NKAIN3: variants seen among roughly 807,000 people sequenced by gnomAD.
NKAIN3 encodes sodium/potassium-transporting ATPase subunit beta-1-interacting protein 3.
A neutral mutation model predicts 30.2 loss-of-function variants in NKAIN3; 25 were observed. That is an observed-to-expected ratio of 0.83 (90% CI 0.60 to 1.16). The LOEUF (loss-of-function observed/expected upper bound fraction) is 1.16, where lower values mean the gene tolerates loss of function less well. Among genes scored for constraint, NKAIN3 ranks in the 50% most tolerant of loss-of-function variants. NKAIN3 has a pLI of 0.00. For synonymous variants in NKAIN3, 91 were observed against 89.6 expected (o/e 1.02, Z -0.09); for missense variants, 225 against 254.1 (o/e 0.89, Z 0.78).
At chr8:62,367,850 C>T (rs4737602) in intron 1 of NKAIN3, among the ~76,000 whole-genome samples, 147,552 of 152,212 alleles carry the variant, frequency 0.97, 71,576 homozygotes, top group East Asian at 1. Context: ...CCTACAGACT[C>T]TGAGAACTAG....
At chr8:62,334,638 T>C (rs1052846435) in intron 1 of NKAIN3, among the ~76,000 whole-genome samples, 1 of 152,128 alleles carries the variant, frequency 6.6e-6, no homozygotes, top group Non-Finnish European at 1.5e-5. Flanking sequence ...TTATTATCTA[T>C]TGCTACATAA....
At chr8:62,962,382 A>G (rs1823593261) in intron 6 of NKAIN3, among the ~76,000 whole-genome samples, 1 of 152,218 alleles carries the variant, frequency 6.6e-6, no homozygotes, top group South Asian at 2.1e-4. Flanking sequence ...TTGTAATGAG[A>G]TATTTCCAGA....
At position 62,970,822 on chromosome 8, in the gene NKAIN3, T is replaced by C. The variant is rs987315379; in HGVS notation, c.*5415T>C. ...TTCCATGTAAGGCATGTTTTTCCTT[T>C]CCTCTTCAGAGTTATTTAGAAACAG... On this transcript the variant is annotated 3_prime_UTR_variant, in exon 7 of 7. Coordinates refer to ENST00000623646, the MANE Select transcript of NKAIN3 (RefSeq NM_001304533.3). Among the ~76,000 whole-genome samples, 3 of 152,230 alleles carry C rather than the reference T, an allele frequency of 2.0e-5. No individual in the cohort carries two copies. The highest frequency in any genetic ancestry group is 7.2e-5 in the African/African-American group (3 of 41,466).
chr8:62,431,920 C>G (rs1805013704), intron 1 of NKAIN3, among the ~76,000 whole-genome samples: 1 of 144,658 alleles, frequency 6.9e-6, no homozygotes, highest in South Asian at 2.2e-4. Context: ...TAAACTATAA[C>G]TGATTTGTGG....
chr8:62,599,439 G>T (rs561302356), intron 3 of NKAIN3, among the ~76,000 whole-genome samples: 1 of 152,138 alleles, frequency 6.6e-6, no homozygotes, highest in African/African-American at 2.4e-5. Flanking sequence ...TAATCGCACT[G>T]GGTTGTGGAA....
chr8:62,634,659 G>A lies in NKAIN3; in HGVS notation c.273+44865G>A, dbSNP rs75273578. Among the ~76,000 whole-genome samples the A allele has an allele frequency of 2.9e-3, 447 of 152,298 alleles. 2 individuals are homozygous for A. Among genetic ancestry groups the A allele is most frequent in the African/African-American group, 0.01 (429 of 41,574 alleles). ...AAGAGGTGGGCCCTGGTGGGGCTCT[G>A]CAGGGACAGCTAGGAGAGGAGAGAC... On this transcript the variant is annotated intron_variant, in intron 3 of 6. Coordinates refer to ENST00000623646, the MANE Select transcript of NKAIN3 (RefSeq NM_001304533.3).
chr8:62,736,113 T>C (rs1270897796), intron 3 of NKAIN3, among the ~76,000 whole-genome samples: 3 of 152,162 alleles, frequency 2.0e-5, no homozygotes, highest in Non-Finnish European at 2.9e-5. Flanking sequence ...GGTTTTGTGT[T>C]TGTTGGCTTC....
At chr8:62,809,108 G>A (rs28710812) in intron 4 of NKAIN3, among the ~76,000 whole-genome samples, 12,337 of 152,176 alleles carry the variant, frequency 0.081, 517 homozygotes, top group Middle Eastern at 0.088. Flanking sequence ...ATATGGCTCC[G>A]TTCCGCCCAG....
At chr8:62,760,783 A>G (rs1229300717) in intron 4 of NKAIN3, among the ~76,000 whole-genome samples, 1 of 152,226 alleles carries the variant, frequency 6.6e-6, no homozygotes, top group African/African-American at 2.4e-5. Context: ...TAATTTAAAA[A>G]AAGGCACTGG....
chr8:62,633,993 A>G (rs1358724452), intron 3 of NKAIN3, among the ~76,000 whole-genome samples: 1 of 152,134 alleles, frequency 6.6e-6, no homozygotes, highest in Non-Finnish European at 1.5e-5. Flanking sequence ...ACACAAACAA[A>G]AAATAGGGTG....
chr8:62,717,836 G>A (rs1814956384), intron 3 of NKAIN3, among the ~76,000 whole-genome samples: 1 of 152,194 alleles, frequency 6.6e-6, no homozygotes, highest in Non-Finnish European at 1.5e-5. Flanking sequence ...GAACATGACT[G>A]CCTTTAGGTT....
At chr8:62,950,937 C>CAG in intron 5 of NKAIN3, among the ~76,000 whole-genome samples, 1 of 133,722 alleles carries the variant, frequency 7.5e-6, no homozygotes, top group South Asian at 2.6e-4. Flanking sequence ...GAGCAATAAA[C>CAG]AGAATCCTTT....
At chr8:62,285,086 T>G (rs1332470584) in intron 1 of NKAIN3, among the ~76,000 whole-genome samples, 2 of 152,164 alleles carry the variant, frequency 1.3e-5, no homozygotes, top group Non-Finnish European at 2.9e-5. Flanking sequence ...CCTGGGGCTC[T>G]TCAATACTCA....
At chr8:62,585,167 C>T (rs1352003778) in intron 2 of NKAIN3, among the ~76,000 whole-genome samples, 1 of 152,106 alleles carries the variant, frequency 6.6e-6, no homozygotes, top group Non-Finnish European at 1.5e-5. Context: ...TGCTGTGCTG[C>T]CTGCACCTAC....
intron 4 of NKAIN3, chr8:62,855,694 G>T: frequency 6.3e-7 from 1 of 1,597,280 alleles, no homozygotes; most frequent in South Asian, 1.1e-5. Flanking sequence ...TGTCACTTCT[G>T]CATGTGAAGC....
intron 1 of NKAIN3, among the ~76,000 whole-genome samples, chr8:62,364,280 G>A (rs776597843): frequency 2.9e-4 from 44 of 152,162 alleles, no homozygotes; most frequent in Non-Finnish European, 4.7e-4. Context: ...TAATTAGCAA[G>A]TCAGGACTTG....
intron 1 of NKAIN3, among the ~76,000 whole-genome samples, chr8:62,400,734 C>T (rs1803832744): frequency 6.7e-6 from 1 of 150,302 alleles, no homozygotes; most frequent in Non-Finnish European, 1.5e-5. Flanking sequence ...TTACATATGT[C>T]TTGCCACTGT....
At chr8:62,922,736 A>G (rs4645553) in intron 5 of NKAIN3, among the ~76,000 whole-genome samples, 80,567 of 151,082 alleles carry the variant, frequency 0.53, 21,761 homozygotes, top group East Asian at 0.71. Context: ...TGATTCTCAC[A>G]GTGCATATAT....
intron 1 of NKAIN3, among the ~76,000 whole-genome samples, chr8:62,461,933 C>T (rs1431669593): frequency 6.6e-6 from 1 of 152,178 alleles, no homozygotes; most frequent in East Asian, 1.9e-4. Flanking sequence ...TGGCAGAACA[C>T]TTTCTAAATT....
Sources: gnomAD v4.1 joint callset for allele counts (sites outside exome capture counted in the v4.1 genomes callset) on GRCh38, gnomAD v4.1.1 for gene constraint, MANE v1.5 for transcripts, NCBI Gene and HGNC (gene_info 2026-07-23, HGNC 2026-07-21) for gene names.